Variants in PHF7 observed in about 807,000 individuals in gnomAD.
The protein encoded by PHF7 is PHD finger protein 7.
In PHF7, 24 loss-of-function variants were observed where a neutral mutation model predicts 47.5. The ratio of observed to expected loss-of-function variants is 0.51; its 90% CI spans 0.37 to 0.71. The LOEUF is 0.71. PHF7 is among the 30% of genes least tolerant of loss of function. PHF7 has a pLI of 0.00. For missense variants in PHF7, 361 were observed against 456.8 expected (o/e 0.79, Z 1.91); for synonymous variants, 156 against 153.8 (o/e 1.01, Z -0.11).
intron 2 of PHF7, 91 bp from the exon 3 acceptor site, chr3:52,413,905 G>T: frequency 1.2e-6 from 1 of 827,510 alleles, no homozygotes; most frequent in South Asian, 1.4e-5. Context: ...TCCTTCATCA[G>T]ACCCATGAAT....
chr3:52,411,102 C>G lies in PHF7; in HGVS notation c.-215C>G, dbSNP rs1705412619. On this transcript the variant is annotated 5_prime_UTR_variant, in exon 1 of 11. Coordinates refer to ENST00000327906, the MANE Select transcript of PHF7 (RefSeq NM_016483.7). Reference sequence around the variant, plus strand: ...GGGCGTCCGCCGGGTTAGGAAGCCACTGCCTGGCAGCTTGTGGAAGCCTCA... The same window carrying G: ...GGGCGTCCGCCGGGTTAGGAAGCCAGTGCCTGGCAGCTTGTGGAAGCCTCA... 6.6e-6 allele frequency: 1 copy of G among 152,402 alleles called. No homozygotes were observed. The highest frequency in any genetic ancestry group is 2.1e-4 in the South Asian group (1 of 4,832). The allele number at this position is 152,402 out of a possible 1,614,324, so 9.4% of individuals were successfully genotyped here.
rs749906208 is a variant in PHF7 at position 52,421,072 on chromosome 3, T to C, written c.573+10T>C. On this transcript the variant is annotated intron_variant, in intron 7 of 10. Transcript: ENST00000327906. Reference sequence around the variant, plus strand: ...CCGCAAGTGCATACAGGTGGGGCTTTTTCCGCCCTGGGTCCCTTCCACCAT... The same window carrying C: ...CCGCAAGTGCATACAGGTGGGGCTTCTTCCGCCCTGGGTCCCTTCCACCAT... The C allele has an allele frequency of 6.9e-6, 11 of 1,596,590 alleles. No individual in the cohort carries two copies. Among genetic ancestry groups the C allele is most frequent in the Non-Finnish European group, 8.5e-7 (1 of 1,171,526 alleles).
At chr3:52,412,661 T>C (rs959835737) in intron 1 of PHF7, 150 bp from the exon 2 acceptor site, 15 of 555,464 alleles carry the variant, frequency 2.7e-5, no homozygotes, top group African/African-American at 9.5e-5. Flanking sequence ...ATGGCGTGTT[T>C]GTGAGTTAAC....
chr3:52,421,085 T>A (rs754643447), intron 7 of PHF7, 23 bp downstream of exon 7: 8 of 1,582,488 alleles, frequency 5.1e-6, no homozygotes, highest in South Asian at 4.6e-5. Flanking sequence ...CCGCCCTGGG[T>A]CCCTTCCACC....
At position 52,414,489 on chromosome 3, in the gene PHF7, C is replaced by T; in HGVS notation, c.95-7C>T. On this transcript the variant is annotated splice_region_variant and splice_polypyrimidine_tract_variant and intron_variant, in intron 3 of 10. Transcript: ENST00000327906. ...TTGAGCCAAATTCTGGGTGTCCTCT[C>T]TTCCAGTTTGCTGGCTATGCCTTCG... The T allele has an allele frequency of 6.3e-7, 1 of 1,586,382 alleles. No individual in the cohort carries two copies.
In PHF7 at chr3:52,423,624, A is replaced by T. The variant is rs983480630; in HGVS notation, c.*307A>T. On this transcript the variant is annotated 3_prime_UTR_variant, in exon 11 of 11. Transcript: ENST00000327906. ...TTCACCCATGTTTGTTGTTATGCAA[A>T]TAAAGGTTTTCTCTCCATTGGTGTC... 5 of 266,770 alleles carry T rather than the reference A, an allele frequency of 1.9e-5. No individual in the cohort carries two copies. Among genetic ancestry groups the T allele is most frequent in the Non-Finnish European group, 3.6e-5 (5 of 139,324 alleles). 16.5% of individuals were successfully genotyped at this position (266,770 alleles called of 1,614,324 possible). A position where few individuals can be genotyped will look rare whatever the true frequency, so the allele number is the denominator to read the frequency against.
chr3:52,415,568 A>G (rs1417568768), intron 4 of PHF7, among the ~76,000 whole-genome samples: 1 of 152,186 alleles, frequency 6.6e-6, no homozygotes, highest in Admixed American at 6.5e-5. Context: ...ACTAGACGTA[A>G]TCACTGTTCT....
chr3:52,420,288 A>G, intron 5 of PHF7, 23 bp from the exon 6 acceptor site: 1 of 1,613,212 alleles, frequency 6.2e-7, no homozygotes, highest in African/African-American at 1.3e-5. Context: ...GGTCCTGAGC[A>G]CTGTCTGGGA....
At chr3:52,411,831 C>T (rs151121476) in intron 1 of PHF7, among the ~76,000 whole-genome samples, 124 of 152,354 alleles carry the variant, frequency 8.1e-4, no homozygotes, top group Non-Finnish European at 1.6e-3. Flanking sequence ...AAGGTACCTT[C>T]TGCACTTTTG....
At chr3:52,414,662 C>A in intron 4 of PHF7, 75 bp downstream of exon 4, 1 of 785,878 alleles carries the variant, frequency 1.3e-6, no homozygotes. Context: ...TACATTCATC[C>A]TCATATCCAC....
intron 8 of PHF7, 26 bp from the exon 9 acceptor site, chr3:52,422,196 A>C (rs1403036948): frequency 6.8e-7 from 1 of 1,462,208 alleles, no homozygotes; most frequent in Admixed American, 1.7e-5. Flanking sequence ...TTATGTTCTT[A>C]TTCACTGTTT....
chr3:52,411,362 C>T (rs1705425842), intron 1 of PHF7, 115 bp downstream of exon 1: 1 of 152,294 alleles, frequency 6.6e-6, no homozygotes, highest in African/African-American at 2.4e-5. Context: ...CCTTCTCTCT[C>T]CTCTTCCAGC....
chr3:52,412,399 T>G (rs1705476961), intron 1 of PHF7, among the ~76,000 whole-genome samples: 1 of 152,150 alleles, frequency 6.6e-6, no homozygotes. Context: ...TTTTCCTGAG[T>G]GCTACTTCAC....
intron 10 of PHF7, 40 bp from the exon 11 acceptor site, chr3:52,423,051 C>A: frequency 6.6e-7 from 1 of 1,514,794 alleles, no homozygotes; most frequent in Non-Finnish European, 9.2e-7. Context: ...CTGGGAGAAG[C>A]AGAGGCTTGA....
rs1227216282 is a variant in PHF7, at chr3:52,418,380, CATATAG to C, written c.187-1446_187-1441del. Among the ~76,000 whole-genome samples the C allele has an allele frequency of 7.2e-5, 11 of 152,160 alleles. No homozygotes were observed. In the East Asian group the frequency reaches 1.5e-3, roughly 21 times the overall value. On this transcript the variant is annotated intron_variant, in intron 4 of 10. Transcript: ENST00000327906. Reference sequence around the variant, plus strand: ...ATTTTGGAAATCTTTCTGTATAGAACATATAGATATAGTTTTTTCTTTTTAGTAGCT... The same window carrying C: ...ATTTTGGAAATCTTTCTGTATAGAACATATAGTTTTTTCTTTTTAGTAGCT...
chr3:52,414,129 GCTT>G (rs1017883186), intron 3 of PHF7, 81 bp downstream of exon 3: 3 of 894,868 alleles, frequency 3.4e-6, no homozygotes, highest in East Asian at 2.4e-5. Flanking sequence ...CAGTATACTT[GCTT>G]CTTCTCTCTC....
intron 4 of PHF7, among the ~76,000 whole-genome samples, chr3:52,416,070 A>C (rs944714220): frequency 1.3e-5 from 2 of 151,876 alleles, no homozygotes; most frequent in Non-Finnish European, 2.9e-5. Context: ...TCTTAATTTT[A>C]GCCATTCTAC....
At position 52,420,331 on chromosome 3, in the gene PHF7, A is replaced by G. The variant is rs774585755; in HGVS notation, c.309A>G (p.Lys103=). 104 of 1,613,944 alleles carry G rather than the reference A, an allele frequency of 6.4e-5. No individual in the cohort carries two copies. Among genetic ancestry groups the G allele is most frequent in the Non-Finnish European group, 8.7e-5 (103 of 1,179,914 alleles). The change falls in exon 6 of 11, where the codon AAA becomes AAG. Residue 103 remains lysine (K), a synonymous_variant. Transcript: ENST00000327906. The part of the protein sequence containing the change: ...ASRKICFVCK[K]KGAAINCQKD... ...TGCAGATCTGCTTTGTGTGCAAGAA[A>G]AAGGGAGCTGCTATCAACTGCCAGA...
At chr3:52,422,628 T>C (rs1477324131) in intron 9 of PHF7, 132 bp from the exon 10 acceptor site, 11 of 949,652 alleles carry the variant, frequency 1.2e-5, no homozygotes, top group Non-Finnish European at 1.8e-5. Flanking sequence ...GGATCAGCAC[T>C]CATCCTCTCT....
Sources: gnomAD v4.1 joint callset for allele counts (sites outside exome capture counted in the v4.1 genomes callset) on GRCh38, gnomAD v4.1.1 for gene constraint, MANE v1.5 for transcripts, NCBI Gene and HGNC (gene_info 2026-07-23, HGNC 2026-07-21) for gene names.